NUP214: variants seen among roughly 807,000 people sequenced by gnomAD.
NUP214 encodes nucleoporin 214.
NUP214 carries 79 observed loss-of-function variants against 196.2 expected under a neutral mutation model. The ratio of observed to expected loss-of-function variants is 0.40; its 90% CI spans 0.34 to 0.49. The LOEUF (loss-of-function observed/expected upper bound fraction) is 0.49. NUP214 is among the 20% of genes least tolerant of loss of function. The pLI is 0.58. For synonymous variants in NUP214, 1,020 were observed against 990.5 expected, an observed-to-expected ratio of 1.03 and a Z score of -0.56; for missense variants, 2,468 against 2,539.0, an observed-to-expected ratio of 0.97 and a Z score of 0.60.
chr9:131,228,543 T>G (rs930323401), intron 33 of NUP214: 2 of 458,658 alleles, frequency 4.4e-6, no homozygotes, highest in Non-Finnish European at 7.6e-6. Flanking sequence ...GGACCTCAGC[T>G]GTGTTGCTGT....
chr9:131,167,883 CGTTTTT>C (rs1832832408), intron 21 of NUP214, among the ~76,000 whole-genome samples: 3 of 152,008 alleles, frequency 2.0e-5, no homozygotes, highest in Admixed American at 6.6e-5. Flanking sequence ...AACAGAAGTT[CGTTTTT>C]GTTTTTGTTT....
At position 131,198,758 on chromosome 9, in the gene NUP214, C is replaced by T; in HGVS notation, c.5264C>T (p.Ala1755Val). 3 of 1,614,210 alleles carry T rather than the reference C, an allele frequency of 1.9e-6. No homozygotes were observed. The highest frequency in any genetic ancestry group is 2.5e-6 in the Non-Finnish European group (3 of 1,180,026). ...FSQPGFSSVP[A>V]FGQPASSTPT... ...CAGCCTGGGTTCAGTTCCGTGCCTG[C>T]CTTCGGTCAGCCTGCTTCCTCCACT... is the stretch of plus-strand genomic sequence containing the variant. The change falls in exon 29 of 36, where the codon GCC becomes GTC. Residue 1755 changes from alanine (A) to valine (V), a missense_variant. Around this residue, in one of 5 missense-constraint regions of NUP214, gnomAD observed 1,801 missense variants for 1,779.4 expected, o/e 1.01. Transcript: ENST00000359428.
intron 31 of NUP214, among the ~76,000 whole-genome samples, chr9:131,220,259 A>G (rs189671658): frequency 6.6e-6 from 1 of 152,360 alleles, no homozygotes; most frequent in East Asian, 1.9e-4. Context: ...TGGTAATATG[A>G]GAATATGGTA....
At position 131,189,139 on chromosome 9, in the gene NUP214, T is replaced by G; in HGVS notation, c.3574+8T>G. The G allele has an allele frequency of 1.2e-6, 2 of 1,613,086 alleles. No individual in the cohort carries two copies. ...CTGGTGACAAAGCTTCAGGTCAGTT[T>G]GCATTTTTGTTTTCTTGAAAAGTGA... On this transcript the variant is annotated splice_region_variant and intron_variant, in intron 26 of 35. Coordinates refer to ENST00000359428, the MANE Select transcript of NUP214 (RefSeq NM_005085.4).
intron 31 of NUP214, among the ~76,000 whole-genome samples, chr9:131,220,452 G>A (rs1393707682): frequency 2.6e-5 from 4 of 152,232 alleles, no homozygotes; most frequent in African/African-American, 9.6e-5. Flanking sequence ...GTAAATGAGA[G>A]TGATTACAGC....
chr9:131,208,461 G>T (rs897925361), intron 30 of NUP214, among the ~76,000 whole-genome samples: 2 of 152,242 alleles, frequency 1.3e-5, no homozygotes, highest in African/African-American at 4.8e-5. Context: ...ACTTTGGGAG[G>T]CTGAGGCGGG....
rs769905840 is a variant in NUP214, at chr9:131,174,168, T to C, written c.3007T>C (p.Cys1003Arg). Residue 1003 changes from cysteine to arginine, a missense_variant, in exon 22 of 36, where the codon TGT becomes CGT. Coordinates refer to ENST00000359428, the MANE Select transcript of NUP214 (RefSeq NM_005085.4). ...SLESEDARTS[C>R]KDDEAVVQAP... Reference sequence around the variant, plus strand: ...GGAGAGTGAAGATGCACGGACGTCCTGTAAAGATGACGAGGCAGTGGTTCA... The same window carrying C: ...GGAGAGTGAAGATGCACGGACGTCCCGTAAAGATGACGAGGCAGTGGTTCA... 1.9e-6 allele frequency: 3 copies of C among 1,613,882 alleles called. No individual in the cohort carries two copies. Among genetic ancestry groups the C allele is most frequent in the South Asian group, 1.1e-5 (1 of 91,064 alleles).
chr9:131,155,068 A>G (rs1385077559), intron 17 of NUP214, among the ~76,000 whole-genome samples: 2 of 152,170 alleles, frequency 1.3e-5, no homozygotes, highest in Non-Finnish European at 2.9e-5. Flanking sequence ...AAATCTCCAT[A>G]TTGTTTTCTG....
At chr9:131,158,284 A>G (rs1588138145) in intron 17 of NUP214, among the ~76,000 whole-genome samples, 2 of 150,728 alleles carry the variant, frequency 1.3e-5, no homozygotes, top group East Asian at 4.0e-4. Context: ...TCACCATGTT[A>G]GCCAGGCTGG....
In NUP214 at chr9:131,198,283, A is replaced by G. The variant is rs1564206035; in HGVS notation, c.4789A>G (p.Thr1597Ala). ...SFSVPGQTAVTAAAISSAGPV... is the reference protein window; with the variant it reads ...SFSVPGQTAVAAAAISSAGPV... ...TTCTGTGCCTGGGCAGACTGCTGTC[A>G]CAGCAGCTGCTATCTCAAGTGCAGG... Residue 1597 changes from threonine to alanine, a missense_variant, in exon 29 of 36, where the codon ACA becomes GCA. This residue lies in a region of NUP214 where 1,801 missense variants were observed against 1,779.4 expected (regional missense o/e 1.01). Coordinates refer to ENST00000359428, the MANE Select transcript of NUP214 (RefSeq NM_005085.4). 1.9e-6 allele frequency: 3 copies of G among 1,614,078 alleles called. No homozygotes were observed. The highest frequency in any genetic ancestry group is 2.5e-6 in the Non-Finnish European group (3 of 1,180,050).
At chr9:131,127,969 C>G (rs1159027038) in intron 2 of NUP214, among the ~76,000 whole-genome samples, 10 of 152,184 alleles carry the variant, frequency 6.6e-5, no homozygotes, top group Admixed American at 5.9e-4. Context: ...TATTTTTGCT[C>G]AGTTGAACTT....
chr9:131,154,813 G>GAGT (rs887503860), intron 17 of NUP214, among the ~76,000 whole-genome samples: 40 of 151,816 alleles, frequency 2.6e-4, no homozygotes, highest in African/African-American at 9.4e-4. Context: ...TTTTATGGCT[G>GAGT]AGTAGTAGTA....
intron 18 of NUP214, among the ~76,000 whole-genome samples, chr9:131,161,034 C>G (rs1375856983): frequency 6.6e-6 from 1 of 152,204 alleles, no homozygotes; most frequent in East Asian, 1.9e-4. Context: ...GGTTGTATTT[C>G]TTTTTGGTAA....
chr9:131,157,889 A>G (rs1224425866), intron 17 of NUP214, among the ~76,000 whole-genome samples: 1 of 151,740 alleles, frequency 6.6e-6, no homozygotes, highest in African/African-American at 2.4e-5. Context: ...CAAGTGATCC[A>G]CCTGCTTTGG....
Position 131,125,620 on chromosome 9 carries a change from G to A in NUP214, c.-85G>A. ...TGCGCGCCGCTGGCGCTGAGGGGAG[G>A]AAGTTTGCTGTCGAGCGGCCTGGGT... is the stretch of plus-strand genomic sequence containing the variant. On this transcript the variant is annotated 5_prime_UTR_variant, in exon 1 of 36. Transcript: ENST00000359428. The surrounding 1 kb of genome is among the most constrained non-coding windows in gnomAD (Gnocchi z 4.1). 2 of 1,539,782 alleles carry A rather than the reference G, an allele frequency of 1.3e-6. No individual in the cohort carries two copies. Among genetic ancestry groups the A allele is most frequent in the Non-Finnish European group, 1.8e-6 (2 of 1,141,880 alleles).
intron 21 of NUP214, 113 bp downstream of exon 21, chr9:131,164,257 T>C: frequency 1.2e-6 from 1 of 829,612 alleles, no homozygotes; most frequent in South Asian, 1.5e-5. Context: ...TGTGTATGTG[T>C]GTGTAAGTGT....
intron 32 of NUP214, among the ~76,000 whole-genome samples, chr9:131,223,182 T>G (rs533272378): frequency 6.6e-6 from 1 of 152,222 alleles, no homozygotes; most frequent in African/African-American, 2.4e-5. Context: ...CTTTTTTTTT[T>G]TGTGAGAGGG....
chr9:131,209,560 C>A (rs565934481), intron 30 of NUP214, among the ~76,000 whole-genome samples: 1 of 152,058 alleles, frequency 6.6e-6, no homozygotes, highest in Non-Finnish European at 1.5e-5. Context: ...CACCTGGCTA[C>A]TTTTTGTATT....
chr9:131,132,113 TTCTTTC>T lies in NUP214; in HGVS notation c.664-481_664-476del, dbSNP rs1400777059. ...CATGCGTTCATGCGTTTCTTTTCTT[TTCTTTC>T]TTTTTTTTTTTTTTTTGGAGACCAA... On this transcript the variant is annotated intron_variant, in intron 5 of 35. Transcript: ENST00000359428. Among the ~76,000 whole-genome samples, 8 of 65,848 alleles carry T rather than the reference TTCTTTC, an allele frequency of 1.2e-4. No individual in the cohort carries two copies. In the East Asian group the frequency reaches 3.4e-3, roughly 28 times the overall value. 43.2% of individuals were successfully genotyped at this position (65,848 alleles called of 152,430 possible). A position where few individuals can be genotyped will look rare whatever the true frequency, so the allele number is the denominator to read the frequency against.
Sources: allele counts gnomAD v4.1 joint callset (sites outside exome capture counted in the v4.1 genomes callset), GRCh38; gene constraint gnomAD v4.1.1; regional missense constraint gnomAD v4.1.1; non-coding constraint Gnocchi (gnomAD v3.1); transcripts MANE v1.5; gene names NCBI Gene and HGNC (gene_info 2026-07-23, HGNC 2026-07-21).